SHH: variants seen among roughly 807,000 people sequenced by gnomAD.
SHH encodes the protein sonic hedgehog signaling molecule.
SHH carries 3 observed loss-of-function variants against 16.6 expected under a neutral mutation model. The observed-to-expected ratio is 0.18, with a 90% CI of 0.08 to 0.47. The LOEUF is 0.47. Ranked by LOEUF, SHH falls within the 20% of genes least tolerant of loss-of-function variation. The pLI, the probability that SHH is intolerant of heterozygous loss-of-function variation, is 0.98. For synonymous variants in SHH, 351 were observed against 316.2 expected (o/e 1.11, Z -1.17); for missense variants, 499 against 665.0 (o/e 0.75, Z 2.75).
At position 155,800,139 on chromosome 7, in the gene SHH, T is replaced by C. The variant is rs915027906; in HGVS notation, c.*2761A>G. On this transcript the variant is annotated 3_prime_UTR_variant, in exon 3 of 3. Coordinates refer to ENST00000297261, the MANE Select transcript of SHH (RefSeq NM_000193.4). ...CATACATTTTGCACAAACTCTTGGCTCCGTCAACCCTGAATGAGAAGTCGG... is the reference window on the plus strand; with the variant it reads ...CATACATTTTGCACAAACTCTTGGCCCCGTCAACCCTGAATGAGAAGTCGG... 7 of 471,504 alleles carry C rather than the reference T, an allele frequency of 1.5e-5. No individual in the cohort carries two copies. The highest frequency in any genetic ancestry group is 1.4e-4 in the African/African-American group (7 of 50,098). The allele number at this position is 471,504 out of a possible 1,614,324, so 29.2% of individuals were successfully genotyped here. A position where few individuals can be genotyped will look rare whatever the true frequency, so the allele number is the denominator to read the frequency against.
rs1381952846 is a variant in SHH at position 155,802,295 on chromosome 7, G to A, written c.*605C>T. On this transcript the variant is annotated 3_prime_UTR_variant, in exon 3 of 3. Transcript: ENST00000297261. The stretch of plus-strand genomic sequence containing the variant: ...TTTTACACTATTTCAAAAATGAAAT[G>A]TAATTCAGTTAAGTATTGATCTCTC... The A allele has an allele frequency of 6.6e-6, 1 of 152,146 alleles. No homozygotes were observed. Among genetic ancestry groups the A allele is most frequent in the African/African-American group, 2.4e-5 (1 of 41,416 alleles). 9.4% of individuals were successfully genotyped at this position (152,146 alleles called of 1,614,324 possible).
At position 155,800,457 on chromosome 7, in the gene SHH, C is replaced by T; in HGVS notation, c.*2443G>A. On this transcript the variant is annotated 3_prime_UTR_variant, in exon 3 of 3. Transcript: ENST00000297261. ...CAGAGTTGCACCATGGCCTCAGGCA[C>T]CTTGGGGCTTGGTCAACGCCTGGCT... 2.3e-6 allele frequency: 1 copy of T among 436,574 alleles called. No individual in the cohort carries two copies. Among genetic ancestry groups the T allele is most frequent in the African/African-American group, 2.0e-5 (1 of 49,370 alleles). The allele number at this position is 436,574 out of a possible 1,614,324, so 27.0% of individuals were successfully genotyped here. A position where few individuals can be genotyped will look rare whatever the true frequency, so the allele number is the denominator to read the frequency against.
rs978682897 is a variant in SHH, at chr7:155,809,144, C to G, written c.301-2587G>C. ...AGCACCCTCGCCTGGCACCTAGGCC[C>G]GCGCGGGGAGAGCGTGTCTGTCTGC... On this transcript the variant is annotated intron_variant, in intron 1 of 2. Transcript: ENST00000297261. The surrounding 1 kb of genome is among the most constrained non-coding windows in gnomAD (Gnocchi z 6.1). 6 of 152,284 alleles carry G rather than the reference C, an allele frequency of 3.9e-5. No homozygotes were observed. Among genetic ancestry groups the G allele is most frequent in the Non-Finnish European group, 8.8e-5 (6 of 68,138 alleles). The allele number at this position is 152,284 out of a possible 1,614,324, so 9.4% of individuals were successfully genotyped here. A position where few individuals can be genotyped will look rare whatever the true frequency, so the allele number is the denominator to read the frequency against.
intron 1 of SHH, chr7:155,806,828 TC>T: frequency 1.7e-6 from 1 of 590,804 alleles, no homozygotes; most frequent in Admixed American, 3.0e-5. Flanking sequence ...CAGCCGATGC[TC>T]CTAGCGAGGC....
chr7:155,800,723 A>C lies in SHH; in HGVS notation c.*2177T>G. 6.6e-6 allele frequency: 3 copies of C among 451,660 alleles called. No homozygotes were observed. Among genetic ancestry groups the C allele is most frequent in the Non-Finnish European group, 1.4e-5 (3 of 221,046 alleles). 28.0% of individuals were successfully genotyped at this position (451,660 alleles called of 1,614,324 possible). On this transcript the variant is annotated 3_prime_UTR_variant, in exon 3 of 3. Coordinates refer to ENST00000297261, the MANE Select transcript of SHH (RefSeq NM_000193.4). ...AAAAGGCTGAGGACTGCTCCTGAGG[A>C]GAGGGCTCCAGAGGCCCTGCGCCAT...
At position 155,812,393 on chromosome 7, in the gene SHH, T is replaced by C; in HGVS notation, c.-271A>G. On this transcript the variant is annotated 5_prime_UTR_variant, in exon 1 of 3. Transcript: ENST00000297261. ...CGCTGATAACGGAACACATCGGAGTTGGGTCGCGAGACAGCAATCAAAAGA... is the reference window on the plus strand; with the variant it reads ...CGCTGATAACGGAACACATCGGAGTCGGGTCGCGAGACAGCAATCAAAAGA... 1 of 562,920 alleles carries C rather than the reference T, an allele frequency of 1.8e-6. No homozygotes were observed. The highest frequency in any genetic ancestry group is 3.2e-6 in the Non-Finnish European group (1 of 312,438). The allele number at this position is 562,920 out of a possible 1,614,324, so 34.9% of individuals were successfully genotyped here. A position where few individuals can be genotyped will look rare whatever the true frequency, so the allele number is the denominator to read the frequency against.
Position 155,800,411 on chromosome 7 carries a change from C to G in SHH, c.*2489G>C, listed in dbSNP as rs1803153949. The stretch of plus-strand genomic sequence containing the variant: ...TTTCCCATCCGGGTGAAGCTCTGCT[C>G]CAAGGTGCCCCAGTCACCAGCAGAG... On this transcript the variant is annotated 3_prime_UTR_variant, in exon 3 of 3. Transcript: ENST00000297261. The G allele has an allele frequency of 7.6e-6, 3 of 393,128 alleles. No individual in the cohort carries two copies. The highest frequency in any genetic ancestry group is 1.5e-5 in the Non-Finnish European group (3 of 195,690). The allele number at this position is 393,128 out of a possible 1,614,324, so 24.4% of individuals were successfully genotyped here. A position where few individuals can be genotyped will look rare whatever the true frequency, so the allele number is the denominator to read the frequency against.
Position 155,812,235 on chromosome 7 carries a change from G to C in SHH, c.-113C>G, listed in dbSNP as rs764326691. On this transcript the variant is annotated 5_prime_UTR_variant, in exon 1 of 3. Coordinates refer to ENST00000297261, the MANE Select transcript of SHH (RefSeq NM_000193.4). ...TCTTGCGCTTTCCCTTCCTCGCTCC[G>C]GCTCGCCCGCTCGCTCTCTCCCTCG... is the stretch of plus-strand genomic sequence containing the variant. The C allele has an allele frequency of 3.5e-5, 36 of 1,029,138 alleles. No homozygotes were observed. The highest frequency in any genetic ancestry group is 5.0e-5 in the Non-Finnish European group (33 of 664,090). 63.8% of individuals were successfully genotyped at this position (1,029,138 alleles called of 1,614,324 possible).
In SHH at chr7:155,803,021, G is replaced by T; in HGVS notation, c.1268C>A (p.Ala423Asp). ...GCCCGCGGTGGCCCCCGCACCCGGAGCGTCGGCAGCACCTGGAGCGGTTAG... is the reference window on the plus strand; with the variant it reads ...GCCCGCGGTGGCCCCCGCACCCGGATCGTCGGCAGCACCTGGAGCGGTTAG... ...VALTAPGAAD[A>D]PGAGATAGIH... The change falls in exon 3 of 3, where the codon GCT becomes GAT. Residue 423 changes from alanine to aspartate, a missense_variant. By Grantham distance (126) the Ala-to-Asp change is moderately radical. This residue lies in a region of SHH where 299 missense variants were observed against 301.1 expected (regional missense o/e 0.99). Transcript: ENST00000297261. The T allele has an allele frequency of 3.2e-6, 5 of 1,543,428 alleles. No individual in the cohort carries two copies. Among genetic ancestry groups the T allele is most frequent in the Admixed American group, 1.9e-5 (1 of 52,562 alleles).
chr7:155,806,241 G>C, intron 2 of SHH, 55 bp downstream of exon 2: 1 of 1,608,580 alleles, frequency 6.2e-7, no homozygotes, highest in African/African-American at 1.3e-5. Context: ...GAATCAAGCC[G>C]AGGTGCGCCA....
At chr7:155,806,755 G>A (rs780229308) in intron 1 of SHH, 198 bp from the exon 2 acceptor site, 2 of 701,732 alleles carry the variant, frequency 2.9e-6, no homozygotes, top group Middle Eastern at 2.5e-4. Flanking sequence ...AGCATTTGCG[G>A]AGGAGCGTGG....
At chr7:155,811,123 C>T (rs1803513732) in intron 1 of SHH, among the ~76,000 whole-genome samples, 1 of 152,262 alleles carries the variant, frequency 6.6e-6, no homozygotes, top group Non-Finnish European at 1.5e-5. Flanking sequence ...GAAAGAGCAT[C>T]CTTAAAGAAA....
intron 1 of SHH, among the ~76,000 whole-genome samples, chr7:155,810,175 CT>C (rs1044573984): frequency 6.6e-6 from 1 of 152,234 alleles, no homozygotes; most frequent in Non-Finnish European, 1.5e-5. Context: ...CTGCGCGGCT[CT>C]GTGCGCTTGC....
chr7:155,800,464 G>T lies in SHH; in HGVS notation c.*2436C>A, dbSNP rs1585579438. On this transcript the variant is annotated 3_prime_UTR_variant, in exon 3 of 3. Coordinates refer to ENST00000297261, the MANE Select transcript of SHH (RefSeq NM_000193.4). ...GCACCATGGCCTCAGGCACCTTGGGGCTTGGTCAACGCCTGGCTTCTCTCT... is the reference window on the plus strand; with the variant it reads ...GCACCATGGCCTCAGGCACCTTGGGTCTTGGTCAACGCCTGGCTTCTCTCT... 3.8e-5 allele frequency: 17 copies of T among 442,326 alleles called. No homozygotes were observed. The East Asian group carries it at 1.1e-3, about 29-fold the overall frequency. The allele number at this position is 442,326 out of a possible 1,614,324, so 27.4% of individuals were successfully genotyped here.
intron 2 of SHH, among the ~76,000 whole-genome samples, chr7:155,805,593 C>T (rs971785976): frequency 1.3e-5 from 2 of 152,224 alleles, no homozygotes; most frequent in South Asian, 4.1e-4. Flanking sequence ...GATGGCGCCT[C>T]CTCCACGGCT....
intron 1 of SHH, among the ~76,000 whole-genome samples, chr7:155,808,355 C>A (rs574731480): frequency 2.0e-5 from 3 of 152,278 alleles, no homozygotes; most frequent in Admixed American, 1.3e-4. Context: ...AGCTCCCTCC[C>A]CTGGGGCTGT....
intron 1 of SHH, among the ~76,000 whole-genome samples, chr7:155,808,241 A>T (rs1803416976): frequency 6.6e-6 from 1 of 152,214 alleles, no homozygotes; most frequent in African/African-American, 2.4e-5. Flanking sequence ...AAAATCAATC[A>T]GTAAACCAGG....
rs1803284673 is a variant in SHH, at chr7:155,804,152, C to T, written c.563-426G>A. ...TCCCGCGGGCGCCGGGCGCACCCTCCTTCCCTCCCGCCCCGGCGCGGGGCG... is the reference window on the plus strand; with the variant it reads ...TCCCGCGGGCGCCGGGCGCACCCTCTTTCCCTCCCGCCCCGGCGCGGGGCG... On this transcript the variant is annotated intron_variant, in intron 2 of 2. Coordinates refer to ENST00000297261, the MANE Select transcript of SHH (RefSeq NM_000193.4). Among the ~76,000 whole-genome samples the T allele has an allele frequency of 5.3e-5, 8 of 151,752 alleles. No individual in the cohort carries two copies. In the South Asian group the frequency reaches 1.7e-3, roughly 31 times the overall value.
rs147998151 is a variant in SHH, at chr7:155,800,332, C to T, written c.*2568G>A. 928 of 423,544 alleles carry T rather than the reference C, an allele frequency of 2.2e-3. 9 individuals are homozygous for T. The highest frequency in any genetic ancestry group is 0.016 in the African/African-American group (775 of 49,118). 26.2% of individuals were successfully genotyped at this position (423,544 alleles called of 1,614,324 possible). ...GGGCTGGGGACAGCACCCAGCAGCA[C>T]GGACACTCTGCCACCGGGCCTGTCC... On this transcript the variant is annotated 3_prime_UTR_variant, in exon 3 of 3. Coordinates refer to ENST00000297261, the MANE Select transcript of SHH (RefSeq NM_000193.4).
Sources: allele counts gnomAD v4.1 joint callset (sites outside exome capture counted in the v4.1 genomes callset), GRCh38; gene constraint gnomAD v4.1.1; regional missense constraint gnomAD v4.1.1; non-coding constraint Gnocchi (gnomAD v3.1); transcripts MANE v1.5; gene names NCBI Gene and HGNC (gene_info 2026-07-23, HGNC 2026-07-21).